The following SPC25 variants were observed in gnomAD, a reference collection of about 807,000 sequenced individuals.
SPC25 encodes the protein SPC25 component of NDC80 kinetochore complex, also known as kinetochore protein Spc25.
Under a neutral mutation model 29.6 loss-of-function variants are expected in SPC25, and 22 were observed. That is an observed-to-expected ratio of 0.74 (90% CI 0.53 to 1.06). The LOEUF (loss-of-function observed/expected upper bound fraction) is 1.06, where lower values mean the gene tolerates loss of function less well. Ranked by LOEUF, SPC25 falls within the 50% of genes least tolerant of loss-of-function variation. The pLI, the probability that SPC25 is intolerant of heterozygous loss-of-function variation, is 0.00. For synonymous variants in SPC25, 91 were observed against 90.4 expected (o/e 1.01, Z -0.04); for missense variants, 230 against 255.8 (o/e 0.90, Z 0.69).
chr2:168,880,126 A>C (rs746224806), intron 3 of SPC25, among the ~76,000 whole-genome samples: 3 of 152,212 alleles, frequency 2.0e-5, no homozygotes, highest in Admixed American at 6.5e-5. Context: ...CAGGTGCATT[A>C]GTCACTAAAG....
chr2:168,878,836 A>T, intron 3 of SPC25, among the ~76,000 whole-genome samples: 1 of 152,210 alleles, frequency 6.6e-6, no homozygotes, highest in East Asian at 1.9e-4. Flanking sequence ...ATTTTTAAGT[A>T]CTGGCATACG....
rs575725822 is a variant in SPC25 at position 168,883,873 on chromosome 2, C to G, written c.199+5353G>C. Among the ~76,000 whole-genome samples, 631 of 151,880 alleles carry G rather than the reference C, an allele frequency of 4.2e-3. 6 individuals carry two copies. The highest frequency in any genetic ancestry group is 0.014 in the African/African-American group (573 of 41,406). ...GCAACCTCCGCCTCCTGGGTTCAAGCAATTCTCCTGCTTCAGCCCCCTGAG... is the reference window on the plus strand; with the variant it reads ...GCAACCTCCGCCTCCTGGGTTCAAGGAATTCTCCTGCTTCAGCCCCCTGAG... On this transcript the variant is annotated intron_variant, in intron 3 of 6. Transcript: ENST00000282074.
chr2:168,876,040 C>G, intron 5 of SPC25, 32 bp downstream of exon 5: 1 of 1,229,446 alleles, frequency 8.1e-7, no homozygotes, highest in East Asian at 3.0e-5. Context: ...CTTTTGTAAT[C>G]TCCTATATTT....
chr2:168,867,743 A>AGTGAC (rs1404200193), downstream of SPC25, among the ~76,000 whole-genome samples: 4 of 125,296 alleles, frequency 3.2e-5, no homozygotes, highest in South Asian at 2.7e-4. Context: ...AAGCAAGTCC[A>AGTGAC]CAATAATAAT....
intron 4 of SPC25, chr2:168,865,002 C>A: frequency 6.2e-7 from 1 of 1,609,484 alleles, no homozygotes; most frequent in South Asian, 1.1e-5. Flanking sequence ...CCTTCACACT[C>A]GGTAATCAAC....
chr2:168,871,582 A>G, intron 6 of SPC25, 27 bp from the exon 7 acceptor site: 1 of 1,545,460 alleles, frequency 6.5e-7, no homozygotes, highest in Non-Finnish European at 8.7e-7. Flanking sequence ...AAGAAATCAA[A>G]GACAATTAGA....
intron 3 of SPC25, 96 bp from the exon 4 acceptor site, chr2:168,877,480 A>G: frequency 7.1e-7 from 1 of 1,403,604 alleles, no homozygotes; most frequent in Non-Finnish European, 9.8e-7. Flanking sequence ...AAAGATTAAT[A>G]AAGAATGTTT....
At chr2:168,863,712 C>T (rs1431890329) in intron 4 of SPC25, 1 of 915,026 alleles carries the variant, frequency 1.1e-6, no homozygotes, top group East Asian at 1.2e-4. Flanking sequence ...AGGGATAATG[C>T]AGAGACATTG....
At chr2:168,863,647 G>A (rs1429542748) in intron 4 of SPC25, 3 of 956,058 alleles carry the variant, frequency 3.1e-6, no homozygotes, top group Non-Finnish European at 3.6e-6. Flanking sequence ...TTTGAATGGG[G>A]AGTTACATTT....
chr2:168,880,098 G>T (rs541430757), intron 3 of SPC25, among the ~76,000 whole-genome samples: 2 of 152,264 alleles, frequency 1.3e-5, no homozygotes, highest in Admixed American at 1.3e-4. Flanking sequence ...GTGAGCACAG[G>T]CTTCAACTTA....
intron 4 of SPC25, 64 bp downstream of exon 4, chr2:168,877,174 T>C (rs555303400): frequency 2.9e-4 from 456 of 1,562,866 alleles, no homozygotes; most frequent in Non-Finnish European, 3.7e-4. Context: ...CAAGATGTAC[T>C]TAATAAAGGT....
At chr2:168,889,358 C>A in intron 2 of SPC25, 29 bp downstream of exon 2, 1 of 1,613,658 alleles carries the variant, frequency 6.2e-7, no homozygotes, top group Non-Finnish European at 8.5e-7. Context: ...AACAGCAAAA[C>A]CAGCATGTTA....
chr2:168,889,117 C>CA, intron 3 of SPC25, 109 bp downstream of exon 3: 1 of 729,106 alleles, frequency 1.4e-6, no homozygotes, highest in East Asian at 3.0e-5. Context: ...ACACACACAA[C>CA]ATATACACAC....
At chr2:168,865,787 T>C (rs1001520494) in intron 4 of SPC25, among the ~76,000 whole-genome samples, 8 of 151,276 alleles carry the variant, frequency 5.3e-5, no homozygotes, top group African/African-American at 1.9e-4. Flanking sequence ...AGATACAAAA[T>C]CAATGTGCAA....
chr2:168,885,792 T>C (rs1390937364), intron 3 of SPC25, among the ~76,000 whole-genome samples: 2 of 152,248 alleles, frequency 1.3e-5, no homozygotes, highest in African/African-American at 2.4e-5. Flanking sequence ...CTGTTCATTA[T>C]CAGCTATCTG....
chr2:168,879,736 G>A (rs1046965239), intron 3 of SPC25, among the ~76,000 whole-genome samples: 1 of 152,190 alleles, frequency 6.6e-6, no homozygotes, highest in Non-Finnish European at 1.5e-5. Flanking sequence ...ATCTATCAGA[G>A]TTAATCACTA....
rs369993653 is a variant in SPC25 at position 168,888,485 on chromosome 2, G to A, written c.199+741C>T. Among the ~76,000 whole-genome samples the A allele has an allele frequency of 3.4e-4, 52 of 152,176 alleles. No homozygotes were observed. In the South Asian group the frequency reaches 5.4e-3, roughly 16 times the overall value. On this transcript the variant is annotated intron_variant, in intron 3 of 6. Transcript: ENST00000282074. ...CAGGAGAGTGGCGTGAACCCAGGAG[G>A]CGGAGCTTGCAGTGAGCCAAGATCG...
chr2:168,865,159 G>C (rs754642185), intron 4 of SPC25: 2 of 632,466 alleles, frequency 3.2e-6, no homozygotes, highest in Non-Finnish European at 5.3e-6. Context: ...GATGGGTGGA[G>C]ACAGACAAGG....
chr2:168,880,517 T>TA (rs1690160356), intron 3 of SPC25, among the ~76,000 whole-genome samples: 1 of 152,232 alleles, frequency 6.6e-6, no homozygotes, highest in African/African-American at 2.4e-5. Flanking sequence ...GCTCTTCTAT[T>TA]AAGGCCACTA....
Sources: gnomAD v4.1 joint callset for allele counts (sites outside exome capture counted in the v4.1 genomes callset) on GRCh38, gnomAD v4.1.1 for gene constraint, MANE v1.5 for transcripts, NCBI Gene and HGNC (gene_info 2026-07-23, HGNC 2026-07-21) for gene names.